Variants in ZKSCAN7 observed in about 807,000 individuals in gnomAD.
ZKSCAN7 encodes the protein zinc finger with KRAB and SCAN domains 7.
In ZKSCAN7, 38 loss-of-function variants were observed where a neutral mutation model predicts 65.3. The ratio of observed to expected loss-of-function variants is 0.58; its 90% CI spans 0.45 to 0.76. ZKSCAN7 has a LOEUF of 0.76. Ranked by LOEUF, ZKSCAN7 falls within the 30% of genes least tolerant of loss-of-function variation. The probability of loss-of-function intolerance (pLI) is 0.00; values close to 1 mark genes in which losing one functional copy is unlikely to be tolerated. For synonymous variants in ZKSCAN7, 321 were observed against 321.0 expected, an observed-to-expected ratio of 1.00 and a Z score of 0.00; for missense variants, 815 against 913.3, an observed-to-expected ratio of 0.89 and a Z score of 1.39.
downstream of ZKSCAN7, among the ~76,000 whole-genome samples, chr3:44,574,288 A>AT (rs1553621943): frequency 6.6e-6 from 1 of 151,878 alleles, no homozygotes; most frequent in Non-Finnish European, 1.5e-5. Context: ...ATTTTTTGAT[A>AT]TTTTTTGTAG....
At chr3:44,568,057 T>A in intron 4 of ZKSCAN7, 54 bp downstream of exon 4, 11 of 805,802 alleles carry the variant, frequency 1.4e-5, no homozygotes, top group Non-Finnish European at 2.0e-5. Context: ...GGTCCAAGAA[T>A]GGCTAGAGGT....
At chr3:44,573,162 C>T (rs1055667335), downstream of ZKSCAN7, among the ~76,000 whole-genome samples, 1 of 152,228 alleles carries the variant, frequency 6.6e-6, no homozygotes, top group Non-Finnish European at 1.5e-5. Flanking sequence ...GATTTTCTGT[C>T]CTTCTGCCAT....
downstream of ZKSCAN7, among the ~76,000 whole-genome samples, chr3:44,572,801 G>T (rs558135249): frequency 1.5e-3 from 203 of 133,896 alleles, 1 homozygote; most frequent in Non-Finnish European, 2.5e-3. Flanking sequence ...AGTGAGCCAA[G>T]ATCGCACCAC....
Position 44,572,067 on chromosome 3 carries a change from G to T in ZKSCAN7, c.*692G>T. ...CTGTATACTTTTATACCAACTTATT[G>T]TAGGCTCTTTGAGGTCAGGTATGTA... On this transcript the variant is annotated 3_prime_UTR_variant, in exon 6 of 6. Transcript: ENST00000426540. The T allele has an allele frequency of 1.0e-6, 1 of 985,064 alleles. No homozygotes were observed. Among genetic ancestry groups the T allele is most frequent in the Non-Finnish European group, 1.2e-6 (1 of 829,676 alleles). 61.0% of individuals were successfully genotyped at this position (985,064 alleles called of 1,614,324 possible). A position where few individuals can be genotyped will look rare whatever the true frequency, so the allele number is the denominator to read the frequency against.
At position 44,565,590 on chromosome 3, in the gene ZKSCAN7, C is replaced by T. The variant is rs780180674; in HGVS notation, c.527C>T (p.Ala176Val). 2 of 1,612,648 alleles carry T rather than the reference C, an allele frequency of 1.2e-6. No individual in the cohort carries two copies. Among genetic ancestry groups the T allele is most frequent in the African/African-American group, 2.7e-5 (2 of 75,052 alleles). Reference protein sequence around the residue: ...PPTSPLSGGSAPGAHLEPPYD... With the variant: ...PPTSPLSGGSVPGAHLEPPYD... ...ACCTCACCCCTCAGTGGGGGCTCAGCCCCTGGAGCCCACCTGGAGCCTCCT... is the reference window on the plus strand; with the variant it reads ...ACCTCACCCCTCAGTGGGGGCTCAGTCCCTGGAGCCCACCTGGAGCCTCCT... The change falls in exon 3 of 6, where the codon GCC (alanine) becomes GTC (valine). Residue 176 changes from alanine (A) to valine (V), a missense_variant. Transcript: ENST00000426540.
intron 1 of ZKSCAN7, 38 bp from the exon 2 acceptor site, chr3:44,556,892 A>C (rs1699309427): frequency 9.9e-7 from 1 of 1,006,444 alleles, no homozygotes; most frequent in South Asian, 1.5e-5. Context: ...CTGGGGCTGA[A>C]TACTCCAAGA....
At position 44,567,115 on chromosome 3, in the gene ZKSCAN7, A is replaced by AAG. The variant is rs560493249; in HGVS notation, c.593-781_593-780dup. 2.2e-4 allele frequency among the ~76,000 whole-genome samples: 32 copies of AAG among 145,504 alleles called. 1 individual carries two copies. Among genetic ancestry groups the AAG allele is most frequent in the Non-Finnish European group, 4.2e-4 (28 of 66,264 alleles). On this transcript the variant is annotated intron_variant, in intron 3 of 5. Transcript: ENST00000426540. ...GAGTGAGACTCTGTCTCAAAACAAA[A>AAG]AGAGAGAGAGAGAGAGAAAGAGAAA...
chr3:44,563,524 C>G (rs1003952329), intron 2 of ZKSCAN7, among the ~76,000 whole-genome samples: 1 of 152,150 alleles, frequency 6.6e-6, no homozygotes, highest in African/African-American at 2.4e-5. Context: ...GAAGAGGAAG[C>G]AAGGATCCTC....
In ZKSCAN7 at chr3:44,562,020, G is replaced by A. The variant is rs572435623; in HGVS notation, c.424-3467G>A. ...AATGCCTCAGCAAGACTGTGTGGGG[G>A]CTCCAACCTTGCATTTCCCCTTCAC... On this transcript the variant is annotated intron_variant, in intron 2 of 5. Coordinates refer to ENST00000426540, the MANE Select transcript of ZKSCAN7 (RefSeq NM_001288590.2). Among the ~76,000 whole-genome samples, 4 of 152,350 alleles carry A rather than the reference G, an allele frequency of 2.6e-5. No individual in the cohort carries two copies. In the South Asian group the frequency reaches 8.3e-4, roughly 32 times the overall value.
chr3:44,573,363 G>A (rs1477726842), downstream of ZKSCAN7, among the ~76,000 whole-genome samples: 1 of 152,160 alleles, frequency 6.6e-6, no homozygotes, highest in Admixed American at 6.5e-5. Flanking sequence ...ATATAATCTG[G>A]AGGGGAGATT....
chr3:44,578,441 A>G (rs1030553989), intron 5 of ZKSCAN7, among the ~76,000 whole-genome samples: 9 of 152,222 alleles, frequency 5.9e-5, no homozygotes, highest in African/African-American at 2.2e-4. Context: ...GCGGTTGTTC[A>G]GCTCCTGGTT....
chr3:44,574,461 T>C (rs926199159), downstream of ZKSCAN7, among the ~76,000 whole-genome samples: 1 of 152,222 alleles, frequency 6.6e-6, no homozygotes, highest in African/African-American at 2.4e-5. Context: ...CCAAAAATGT[T>C]GAGTAGTAGA....
chr3:44,567,405 C>G (rs1699667865), intron 3 of ZKSCAN7, among the ~76,000 whole-genome samples: 1 of 152,128 alleles, frequency 6.6e-6, no homozygotes, highest in South Asian at 2.1e-4. Flanking sequence ...TTGCAGGACA[C>G]CCAAGTGAAA....
In ZKSCAN7 at chr3:44,565,646, G is replaced by C; in HGVS notation, c.583G>C (p.Gly195Arg). ...YDPGTHHLPS[G>R]DFAQCTSPVP... Reference sequence around the variant, plus strand: ...CCCAGGGACACACCACCTCCCCAGTGGGGACTTCGGTACTTATCTCCCCAG... The same window carrying C: ...CCCAGGGACACACCACCTCCCCAGTCGGGACTTCGGTACTTATCTCCCCAG... The change falls in exon 3 of 6, where the codon GGG (glycine) becomes CGG (arginine). Residue 195 changes from glycine (G) to arginine (R), a missense_variant. Gly to Arg is a moderately radical substitution (Grantham distance 125). Around this residue, in one of 3 missense-constraint regions of ZKSCAN7, gnomAD observed 227 missense variants for 253.3 expected, o/e 0.90. Transcript: ENST00000426540. 1.9e-6 allele frequency: 3 copies of C among 1,598,462 alleles called. No homozygotes were observed. Among genetic ancestry groups the C allele is most frequent in the Non-Finnish European group, 2.6e-6 (3 of 1,173,314 alleles).
In ZKSCAN7 at chr3:44,579,886, C is replaced by T. The variant is rs138404315; in HGVS notation, c.812-3086C>T. On this transcript the variant is annotated intron_variant, in intron 5 of 5. Coordinates refer to the ZKSCAN7 transcript ENST00000341840. ...CTTTCTTGAAATTCAGCAGGTCGGG[C>T]GTCACGGAGGGCTCTGTGGACCTCC... is the stretch of plus-strand genomic sequence containing the variant. 1.5e-3 allele frequency: 2,464 copies of T among 1,608,166 alleles called. 38 individuals are homozygous for T. In the African/African-American group the frequency reaches 0.029, roughly 19 times the overall value.
Position 44,570,629 on chromosome 3 carries a change from A to C in ZKSCAN7, c.1519A>C (p.Ser507Arg). ...TGAGTGTGGAGAGGCATTCATTCGA[A>C]GCAAAAGTCTTGCTCGACATCAGGT... ...CNECGEAFIR[S>R]KSLARHQVLH... The change falls in exon 6 of 6, where the codon AGC becomes CGC. Residue 507 changes from serine to arginine, a missense_variant. Physicochemically the swap from Ser to Arg is moderately radical, Grantham distance 110. This residue lies in a region of ZKSCAN7 where 578 missense variants were observed against 629.5 expected (regional missense o/e 0.92). Transcript: ENST00000426540. 2 of 1,614,120 alleles carry C rather than the reference A, an allele frequency of 1.2e-6. No individual in the cohort carries two copies. The highest frequency in any genetic ancestry group is 1.7e-6 in the Non-Finnish European group (2 of 1,179,978).
chr3:44,571,239 A>G lies in ZKSCAN7; in HGVS notation c.2129A>G (p.Gln710Arg). 6.2e-7 allele frequency: 1 copy of G among 1,614,212 alleles called. No homozygotes were observed. The highest frequency in any genetic ancestry group is 8.5e-7 in the Non-Finnish European group (1 of 1,180,044). The change falls in exon 6 of 6, where the codon CAG (glutamine) becomes CGG (arginine). Residue 710 changes from glutamine to arginine, a missense_variant. By Grantham distance (43) the Gln-to-Arg change is conservative. This residue lies in a region of ZKSCAN7 where 578 missense variants were observed against 629.5 expected (regional missense o/e 0.92). Coordinates refer to ENST00000426540, the MANE Select transcript of ZKSCAN7 (RefSeq NM_001288590.2). ...GACAGCTCACAGCTTATTGTACACC[A>G]GAGAGTCCACACCGGAGAGAAACCT... ...FSDSSQLIVHQRVHTGEKPYE... is the reference protein window; with the variant it reads ...FSDSSQLIVHRRVHTGEKPYE...
chr3:44,557,119 C>A lies in ZKSCAN7; in HGVS notation c.72C>A (p.Arg24=). 1 of 1,614,240 alleles carries A rather than the reference C, an allele frequency of 6.2e-7. No individual in the cohort carries two copies. Among genetic ancestry groups the A allele is most frequent in the Non-Finnish European group, 8.5e-7 (1 of 1,180,038 alleles). Residue 24 remains arginine (R), a synonymous_variant, in exon 2 of 6, where the codon CGC becomes CGA. Coordinates refer to ENST00000426540, the MANE Select transcript of ZKSCAN7 (RefSeq NM_001288590.2). ...RSTAFQKQEG[R]LTVKQEPANQ... ...CTGCTTTCCAGAAGCAAGAGGGGCG[C>A]CTGACTGTGAAGCAGGAGCCAGCAA...
In ZKSCAN7 at chr3:44,571,797, C is replaced by T. The variant is rs562485452; in HGVS notation, c.*422C>T. On this transcript the variant is annotated 3_prime_UTR_variant, in exon 6 of 6. Coordinates refer to ENST00000426540, the MANE Select transcript of ZKSCAN7 (RefSeq NM_001288590.2). Reference sequence around the variant, plus strand: ...CCTGCCTCTTGGCTATGGCCCTCCCCATCTACTCTTTAAACTTTAATCTAT... The same window carrying T: ...CCTGCCTCTTGGCTATGGCCCTCCCTATCTACTCTTTAAACTTTAATCTAT... The T allele has an allele frequency of 3.6e-5, 36 of 1,005,030 alleles. No homozygotes were observed. In the African/African-American group the frequency reaches 6.2e-4, roughly 17 times the overall value. 62.3% of individuals were successfully genotyped at this position (1,005,030 alleles called of 1,614,324 possible). A position where few individuals can be genotyped will look rare whatever the true frequency, so the allele number is the denominator to read the frequency against.
Sources: allele counts gnomAD v4.1 joint callset (sites outside exome capture counted in the v4.1 genomes callset), GRCh38; gene constraint gnomAD v4.1.1; regional missense constraint gnomAD v4.1.1; transcripts MANE v1.5; gene names NCBI Gene and HGNC (gene_info 2026-07-23, HGNC 2026-07-21).